SPNS1: variants seen among roughly 807,000 people sequenced by gnomAD.
SPNS1 encodes SPNS lysolipid transporter 1, lysophospholipid.
A neutral mutation model predicts 50.3 loss-of-function variants in SPNS1; 22 were observed. The ratio of observed to expected loss-of-function variants is 0.44; its 90% CI spans 0.31 to 0.62. The LOEUF (loss-of-function observed/expected upper bound fraction) is 0.62, where lower values mean the gene tolerates loss of function less well. Among genes scored for constraint, SPNS1 ranks in the 20% least tolerant of loss-of-function variants. The pLI is 0.07. For synonymous variants in SPNS1, 295 were observed against 317.4 expected (o/e 0.93, Z 0.75); for missense variants, 576 against 728.6 (o/e 0.79, Z 2.41).
chr16:28,979,298 G>A lies in SPNS1; in HGVS notation c.588G>A (p.Pro196=), dbSNP rs781542406. 1.4e-5 allele frequency: 23 copies of A among 1,614,034 alleles called. No individual in the cohort carries two copies. Among genetic ancestry groups the A allele is most frequent in the Middle Eastern group, 1.6e-4 (1 of 6,084 alleles). Reference sequence around the variant, plus strand: ...TCAGCATCTTCTACTTTGCCATTCCGGTGGGCAGGTGAGTGGGCCTGGGGC... The same window carrying A: ...TCAGCATCTTCTACTTTGCCATTCCAGTGGGCAGGTGAGTGGGCCTGGGGC... The part of the protein sequence containing the change: ...RMLSIFYFAI[P]VGSGLGYIAG... Residue 196 remains proline, a synonymous_variant, in exon 4 of 12, where the codon CCG becomes CCA. Transcript: ENST00000311008.
Position 28,984,472 on chromosome 16 carries a change from G to T in SPNS1, c.*173G>T. The T allele has an allele frequency of 1.4e-6, 1 of 732,904 alleles. No individual in the cohort carries two copies. The highest frequency in any genetic ancestry group is 1.5e-5 in the South Asian group (1 of 67,154). 45.4% of individuals were successfully genotyped at this position (732,904 alleles called of 1,614,324 possible). A position where few individuals can be genotyped will look rare whatever the true frequency, so the allele number is the denominator to read the frequency against. On this transcript the variant is annotated 3_prime_UTR_variant, in exon 12 of 12. Transcript: ENST00000311008. ...AGGGGAGGAGGTGGGGGTCCAGGAG[G>T]GGGATCCCTCTCCACAGGGGCAGCC...
At chr16:28,982,259 C>A in intron 7 of SPNS1, 97 bp from the exon 8 acceptor site, 1 of 1,418,986 alleles carries the variant, frequency 7.0e-7, no homozygotes, top group South Asian at 1.3e-5. Flanking sequence ...GGTGCTGTGT[C>A]TGTAGGGACC....
chr16:28,979,037 G>A (rs1338964890), intron 3 of SPNS1, 118 bp from the exon 4 acceptor site: 71 of 1,292,304 alleles, frequency 5.5e-5, no homozygotes, highest in Non-Finnish European at 7.2e-5. Context: ...AGGTCTGTGT[G>A]ATTCTAAAAC....
rs1401636915 is a variant in SPNS1, at chr16:28,982,443, C to T, written c.1053C>T (p.Asn351=). ...TCAGCCGCCGGCTCCGCCACTCCAA[C>T]CCCCGGGCTGATCCCCTGGTCTGTG... ...VEISRRLRHS[N]PRADPLVCAT... is the part of the protein sequence containing the mutation. The change falls in exon 8 of 12, where the codon AAC becomes AAT. Residue 351 remains asparagine, a synonymous_variant. Transcript: ENST00000311008. 1.1e-5 allele frequency: 17 copies of T among 1,613,756 alleles called. No individual in the cohort carries two copies. The highest frequency in any genetic ancestry group is 1.4e-5 in the Non-Finnish European group (17 of 1,179,940).
Position 28,984,412 on chromosome 16 carries a change from C to A in SPNS1, c.*113C>A. The A allele has an allele frequency of 9.4e-7, 1 of 1,062,340 alleles. No homozygotes were observed. The highest frequency in any genetic ancestry group is 1.4e-6 in the Non-Finnish European group (1 of 712,262). The allele number at this position is 1,062,340 out of a possible 1,614,324, so 65.8% of individuals were successfully genotyped here. A position where few individuals can be genotyped will look rare whatever the true frequency, so the allele number is the denominator to read the frequency against. ...CCCAGCTTCCAGAGGGACCCTGGGC[C>A]GTGTGCCAGCTCCCAGACACTACCT... On this transcript the variant is annotated 3_prime_UTR_variant, in exon 12 of 12. Coordinates refer to ENST00000311008, the MANE Select transcript of SPNS1 (RefSeq NM_032038.3).
In SPNS1 at chr16:28,983,794, C is replaced by T; in HGVS notation, c.1329C>T (p.Asp443=). 2.5e-6 allele frequency: 4 copies of T among 1,590,832 alleles called. No individual in the cohort carries two copies. In the South Asian group the frequency reaches 3.4e-5, roughly 13 times the overall value. ...GSPYLIGLIS[D]RLRRNWPPSF... ...GTCTCCTCTCCCTGCAGATCTCTGA[C>T]CGCCTGCGCCGGAACTGGCCCCCCT... The change falls in exon 11 of 12, where the codon GAC becomes GAT. Residue 443 remains aspartate, a synonymous_variant. Coordinates refer to ENST00000311008, the MANE Select transcript of SPNS1 (RefSeq NM_032038.3). This position sits in a 1 kb window ranked among gnomAD's most constrained non-coding sequence, Gnocchi z 5.4.
chr16:28,983,811 G>T lies in SPNS1; in HGVS notation c.1346G>T (p.Trp449Leu). 1.2e-6 allele frequency: 2 copies of T among 1,602,064 alleles called. No homozygotes were observed. The highest frequency in any genetic ancestry group is 1.7e-6 in the Non-Finnish European group (2 of 1,176,942). Residue 449 changes from tryptophan (W) to leucine (L), a missense_variant, in exon 11 of 12, where the codon TGG (tryptophan) becomes TTG (leucine). By Grantham distance (61) the Trp-to-Leu change is moderately conservative (BLOSUM62 -2). Transcript: ENST00000311008. This position sits in a 1 kb window ranked among gnomAD's most constrained non-coding sequence, Gnocchi z 5.4. ...GLISDRLRRN[W>L]PPSFLSEFRA... is the part of the protein sequence containing the mutation. ...ATCTCTGACCGCCTGCGCCGGAACT[G>T]GCCCCCCTCCTTCTTGTCCGAGTTC...
At chr16:28,984,159 C>CT (rs2030367865) in intron 11 of SPNS1, 46 bp from the exon 12 acceptor site, 9 of 1,520,286 alleles carry the variant, frequency 5.9e-6, no homozygotes, top group Non-Finnish European at 8.0e-6. Flanking sequence ...CTGGCTTTGT[C>CT]TGTCTGTCCA....
At position 28,974,825 on chromosome 16, in the gene SPNS1, G is replaced by T. The variant is rs868643555; in HGVS notation, c.-327G>T. ...TGGCGGCTGCCGTGGTGCAGCGCCC[G>T]GGCTGAGCGACAGCAAGTGCAGCGG... On this transcript the variant is annotated 5_prime_UTR_variant, in exon 1 of 12. Transcript: ENST00000311008. The T allele has an allele frequency of 6.5e-7, 1 of 1,535,560 alleles. No individual in the cohort carries two copies. Among genetic ancestry groups the T allele is most frequent in the African/African-American group, 1.4e-5 (1 of 73,038 alleles).
intron 7 of SPNS1, 61 bp downstream of exon 7, chr16:28,982,117 T>C: frequency 6.3e-7 from 1 of 1,577,306 alleles, no homozygotes; most frequent in Non-Finnish European, 8.6e-7. Flanking sequence ...GAAGAGCATC[T>C]GTGGCTCAGA....
At chr16:28,977,834 T>C in intron 2 of SPNS1, 74 bp from the exon 3 acceptor site, 1 of 1,572,822 alleles carries the variant, frequency 6.4e-7, no homozygotes, top group East Asian at 2.2e-5. Context: ...TCCTGTGCTT[T>C]AGTGGTTCCA....
rs1965568867 is a variant in SPNS1 at position 28,981,952 on chromosome 16, G to A, written c.861G>A (p.Thr287=). 6 of 1,614,166 alleles carry A rather than the reference G, an allele frequency of 3.7e-6. No individual in the cohort carries two copies. The highest frequency in any genetic ancestry group is 2.2e-5 in the East Asian group (1 of 44,884). ...GCTTCACTGCTGTGGCCTTTGTCAC[G>A]GGCTCCCTGGCTCTGTGGGCTCCGG... ...SLGFTAVAFV[T]GSLALWAPAF... is the part of the protein sequence containing the mutation. The change falls in exon 7 of 12, where the codon ACG becomes ACA. Residue 287 remains threonine (T), a synonymous_variant. Transcript: ENST00000311008. This position sits in a 1 kb window ranked among gnomAD's most constrained non-coding sequence, Gnocchi z 4.2.
At position 28,975,127 on chromosome 16, in the gene SPNS1, C is replaced by T; in HGVS notation, c.-25C>T. On this transcript the variant is annotated 5_prime_UTR_variant, in exon 1 of 12. Coordinates refer to ENST00000311008, the MANE Select transcript of SPNS1 (RefSeq NM_032038.3). ...TGGGATCGTCGGTGGGACCGGAGCG[C>T]GGGCGGGCGCGGCCCCCCGGGACCA... is the stretch of plus-strand genomic sequence containing the variant. 2.7e-6 allele frequency: 4 copies of T among 1,468,992 alleles called. No homozygotes were observed. The highest frequency in any genetic ancestry group is 3.6e-6 in the Non-Finnish European group (4 of 1,114,464). 91.0% of individuals were successfully genotyped at this position (1,468,992 alleles called of 1,614,324 possible).
rs772959320 is a variant in SPNS1, at chr16:28,975,253, G to T, written c.102G>T (p.Pro34=). ...TPGLPGSTGN[P]KSEEPEVPDQ... ...GGTTGCCAGGGTCCACGGGGAACCC[G>T]AAGTCCGAGGAGCCCGAGGTCCCGG... Residue 34 remains proline, a synonymous_variant, in exon 1 of 12, where the codon CCG becomes CCT. Coordinates refer to ENST00000311008, the MANE Select transcript of SPNS1 (RefSeq NM_032038.3). 1.9e-6 allele frequency: 3 copies of T among 1,546,122 alleles called. No individual in the cohort carries two copies. Among genetic ancestry groups the T allele is most frequent in the Non-Finnish European group, 1.7e-6 (2 of 1,145,112 alleles).
chr16:28,977,353 G>T (rs951923703), intron 2 of SPNS1, among the ~76,000 whole-genome samples: 3 of 151,282 alleles, frequency 2.0e-5, no homozygotes, highest in African/African-American at 7.3e-5. Context: ...GTAAATGTGA[G>T]AGTCAGGTAC....
Position 28,983,003 on chromosome 16 carries a change from C to G in SPNS1, c.1221+81C>G. On this transcript the variant is annotated intron_variant, in intron 9 of 11. Transcript: ENST00000311008. This position sits in a 1 kb window ranked among gnomAD's most constrained non-coding sequence, Gnocchi z 5.4. ...GGTCAGGAGTGTTGCCTCTACCCCTCAAAGCCCAGCCTCAACCTACCTTCT... is the reference window on the plus strand; with the variant it reads ...GGTCAGGAGTGTTGCCTCTACCCCTGAAAGCCCAGCCTCAACCTACCTTCT... 6.7e-7 allele frequency: 1 copy of G among 1,488,694 alleles called. No homozygotes were observed. Among genetic ancestry groups the G allele is most frequent in the Non-Finnish European group, 9.4e-7 (1 of 1,069,398 alleles). 92.2% of individuals were successfully genotyped at this position (1,488,694 alleles called of 1,614,324 possible).
Position 28,975,515 on chromosome 16 carries a change from TTCTTCAACA to T in SPNS1, c.268_276del (p.Phe90_Ile92del). 1.2e-6 allele frequency: 2 copies of T among 1,614,208 alleles called. No homozygotes were observed. Among genetic ancestry groups the T allele is most frequent in the Non-Finnish European group, 1.7e-6 (2 of 1,180,024 alleles). On this transcript the variant is annotated inframe_deletion, in exon 2 of 12. Coordinates refer to ENST00000311008, the MANE Select transcript of SPNS1 (RefSeq NM_032038.3). ...AGGCGTCCTTCCCGACATCGAGCAG[TTCTTCAACA>T]TCGGGGACAGTAGCTCTGGGCTCAT...
chr16:28,982,437 C>G lies in SPNS1; in HGVS notation c.1047C>G (p.His349Gln). 1 of 1,613,836 alleles carries G rather than the reference C, an allele frequency of 6.2e-7. No homozygotes were observed. Among genetic ancestry groups the G allele is most frequent in the Non-Finnish European group, 8.5e-7 (1 of 1,179,848 alleles). ...TGGAGATCAGCCGCCGGCTCCGCCA[C>G]TCCAACCCCCGGGCTGATCCCCTGG... is the stretch of plus-strand genomic sequence containing the variant. ...LGVEISRRLR[H>Q]SNPRADPLVC... Residue 349 changes from histidine to glutamine, a missense_variant, in exon 8 of 12, where the codon CAC becomes CAG. Coordinates refer to ENST00000311008, the MANE Select transcript of SPNS1 (RefSeq NM_032038.3).
rs947418571 is a variant in SPNS1 at position 28,983,169 on chromosome 16, G to T, written c.1222-23G>T. On this transcript the variant is annotated intron_variant, in intron 9 of 11. Transcript: ENST00000311008. This position sits in a 1 kb window ranked among gnomAD's most constrained non-coding sequence, Gnocchi z 5.4. Reference sequence around the variant, plus strand: ...CCCCCTGGAGCCCAGAGCATCCACTGAGCTCCACCAACTCCTCCACAGTAC... The same window carrying T: ...CCCCCTGGAGCCCAGAGCATCCACTTAGCTCCACCAACTCCTCCACAGTAC... The T allele has an allele frequency of 5.0e-6, 8 of 1,585,314 alleles. No homozygotes were observed. Among genetic ancestry groups the T allele is most frequent in the South Asian group, 1.1e-5 (1 of 90,470 alleles).
Sources: gnomAD v4.1 joint callset for allele counts (sites outside exome capture counted in the v4.1 genomes callset) on GRCh38, gnomAD v4.1.1 for gene constraint, Gnocchi (gnomAD v3.1) non-coding constraint, MANE v1.5 for transcripts, NCBI Gene and HGNC (gene_info 2026-07-23, HGNC 2026-07-21) for gene names.